RPS6KA3: variants seen among roughly 807,000 people sequenced by gnomAD.
RPS6KA3 encodes the protein ribosomal protein S6 kinase alpha-3.
RPS6KA3 carries 4 observed loss-of-function variants against 67.2 expected under a neutral mutation model. The observed-to-expected ratio is 0.06, with a 90% CI of 0.03 to 0.14. The LOEUF (loss-of-function observed/expected upper bound fraction) is 0.14. Ranked by LOEUF, RPS6KA3 falls within the 10% of genes least tolerant of loss-of-function variation. RPS6KA3 has a pLI of 1.00. For synonymous variants in RPS6KA3, 182 were observed against 183.7 expected (o/e 0.99, Z 0.07); for missense variants, 204 against 559.0 (o/e 0.36, Z 6.40).
intron 1 of RPS6KA3, among the ~76,000 whole-genome samples, chrX:20,238,696 T>C (rs2069477164): frequency 9.0e-6 from 1 of 111,580 alleles, no homozygotes; most frequent in Non-Finnish European, 1.9e-5. Context: ...CCTCCTGAGT[T>C]TGGCAATAAT....
At chrX:20,192,453 A>T (rs764038176) in intron 7 of RPS6KA3, among the ~76,000 whole-genome samples, 3 of 109,861 alleles carry the variant, frequency 2.7e-5, no homozygotes, top group African/African-American at 9.9e-5. Flanking sequence ...ATATCTGATC[A>T]TAGAACTGGG....
chrX:20,255,648 C>T (rs1295548757), intron 1 of RPS6KA3, among the ~76,000 whole-genome samples: 5 of 106,664 alleles, frequency 4.7e-5, no homozygotes, highest in Non-Finnish European at 9.7e-5. Context: ...ATTAGCCAGG[C>T]GTGGTGGTGG....
chrX:20,188,884 A>G (rs183356539), intron 7 of RPS6KA3, among the ~76,000 whole-genome samples: 58 of 112,636 alleles, frequency 5.1e-4, no homozygotes, highest in African/African-American at 1.8e-3. Context: ...CAGAGGGTCC[A>G]CACATTTAAT....
In RPS6KA3 at chrX:20,155,125, T is replaced by G. The variant is rs2067161338; in HGVS notation, c.*273A>C. 2.8e-6 allele frequency: 1 copy of G among 358,999 alleles called. No individual in the cohort carries two copies. Among genetic ancestry groups the G allele is most frequent in the African/African-American group, 2.6e-5 (1 of 38,644 alleles). 29.6% of individuals were successfully genotyped at this position (358,999 alleles called of 1,213,427 possible). On this transcript the variant is annotated 3_prime_UTR_variant, in exon 22 of 22. Coordinates refer to ENST00000379565, the MANE Select transcript of RPS6KA3 (RefSeq NM_004586.3). ...TATTCAGTGTATTTTTAGGTGGTATTCATATGTTCATTATTTTTCTCATTG... is the reference window on the plus strand; with the variant it reads ...TATTCAGTGTATTTTTAGGTGGTATGCATATGTTCATTATTTTTCTCATTG...
chrX:20,201,981 T>TC (rs1194558621), intron 4 of RPS6KA3, among the ~76,000 whole-genome samples: 32 of 99,868 alleles, frequency 3.2e-4, no homozygotes, highest in South Asian at 4.8e-4. Context: ...TTTTTCTTTT[T>TC]TTTTTTTTTT....
At chrX:20,190,375 T>G (rs1307252608) in intron 7 of RPS6KA3, among the ~76,000 whole-genome samples, 5 of 112,151 alleles carry the variant, frequency 4.5e-5, no homozygotes, top group African/African-American at 1.3e-4. Flanking sequence ...ACTTGTATAA[T>G]TCACCAAGTA....
chrX:20,185,429 G>T (rs1363559063), intron 10 of RPS6KA3, among the ~76,000 whole-genome samples: 1 of 110,869 alleles, frequency 9.0e-6, no homozygotes, highest in Non-Finnish European at 1.9e-5. Context: ...CTGGGGTGCA[G>T]TAGAACCATC....
intron 13 of RPS6KA3, among the ~76,000 whole-genome samples, chrX:20,175,935 A>G (rs1294407919): frequency 9.0e-6 from 1 of 111,058 alleles, no homozygotes; most frequent in Non-Finnish European, 1.9e-5. Flanking sequence ...CAGTGGTGCA[A>G]TTTTGATGCA....
At chrX:20,165,371 T>C (rs1450411386) in intron 17 of RPS6KA3, among the ~76,000 whole-genome samples, 1 of 111,788 alleles carries the variant, frequency 8.9e-6, no homozygotes, top group African/African-American at 3.3e-5. Context: ...ATATTGAGTG[T>C]CTATCATGTA....
chrX:20,207,419 T>C (rs183772676), intron 3 of RPS6KA3, among the ~76,000 whole-genome samples: 1,256 of 112,130 alleles, frequency 0.011, 6 homozygotes, highest in Middle Eastern at 0.018. Context: ...TTTTAAGACA[T>C]AGAAAAAGAG....
intron 1 of RPS6KA3, 69 bp from the exon 2 acceptor site, chrX:20,234,883 AGAC>A: frequency 1.2e-6 from 1 of 816,784 alleles, no homozygotes; most frequent in Non-Finnish European, 1.8e-6. Flanking sequence ...AAATGAAGGC[AGAC>A]AAAAAAAAAA....
chrX:20,160,970 T>G (rs1469549758), intron 20 of RPS6KA3, among the ~76,000 whole-genome samples: 1 of 111,899 alleles, frequency 8.9e-6, no homozygotes. Flanking sequence ...CTTCATTTTT[T>G]TTTTAAAGAA....
intron 14 of RPS6KA3, among the ~76,000 whole-genome samples, chrX:20,173,913 G>A (rs1222628074): frequency 3.6e-5 from 4 of 112,473 alleles, no homozygotes; most frequent in Non-Finnish European, 5.6e-5. Flanking sequence ...AGTTCCCTTT[G>A]ATTAGAAAGA....
chrX:20,195,200 A>G, intron 4 of RPS6KA3, 55 bp from the exon 5 acceptor site: 1 of 826,699 alleles, frequency 1.2e-6, no homozygotes, highest in Non-Finnish European at 1.8e-6. Flanking sequence ...ATAATCTTCA[A>G]AACAAATTCT....
chrX:20,206,271 C>T (rs910216354), intron 3 of RPS6KA3, among the ~76,000 whole-genome samples: 3 of 112,035 alleles, frequency 2.7e-5, no homozygotes, highest in Non-Finnish European at 3.8e-5. Flanking sequence ...AGGAGACAAC[C>T]TATTTTGAAT....
At chrX:20,196,054 G>C (rs1164187162) in intron 4 of RPS6KA3, among the ~76,000 whole-genome samples, 1 of 112,548 alleles carries the variant, frequency 8.9e-6, no homozygotes, top group Non-Finnish European at 1.9e-5. Flanking sequence ...ACTTGCATAG[G>C]AAGGCTAGAA....
At chrX:20,172,977 T>C (rs778511617) in intron 14 of RPS6KA3, 106 bp from the exon 15 acceptor site, 1 of 640,043 alleles carries the variant, frequency 1.6e-6, no homozygotes, top group African/African-American at 2.2e-5. Flanking sequence ...TACATATAAA[T>C]GAATAAGAAT....
intron 1 of RPS6KA3, among the ~76,000 whole-genome samples, 172 bp from the exon 2 acceptor site, chrX:20,234,986 G>A (rs1214984617): frequency 9.0e-6 from 1 of 111,545 alleles, no homozygotes. Flanking sequence ...AACAGGATGT[G>A]CTTCAAAAGT....
chrX:20,234,023 G>A (rs1431374860), intron 2 of RPS6KA3, among the ~76,000 whole-genome samples: 1 of 112,176 alleles, frequency 8.9e-6, no homozygotes, highest in Non-Finnish European at 1.9e-5. Flanking sequence ...AGGCACATTG[G>A]TTTAGTTACT....
Sources: gnomAD v4.1 joint callset for allele counts (sites outside exome capture counted in the v4.1 genomes callset) on GRCh38, gnomAD v4.1.1 for gene constraint, MANE v1.5 for transcripts, NCBI Gene and HGNC (gene_info 2026-07-23, HGNC 2026-07-21) for gene names.